PDLIM1: variants seen among roughly 807,000 people sequenced by gnomAD.
The protein encoded by PDLIM1 is PDZ and LIM domain protein 1.
In PDLIM1, 25 loss-of-function variants were observed where a neutral mutation model predicts 35.2. The observed-to-expected ratio is 0.71, with a 90% CI of 0.52 to 0.99. PDLIM1 has a LOEUF of 0.99. Ranked by LOEUF, PDLIM1 falls within the 50% of genes least tolerant of loss-of-function variation. The pLI is 0.00. For synonymous variants in PDLIM1, 152 were observed against 154.0 expected (o/e 0.99, Z 0.10); for missense variants, 363 against 415.3 (o/e 0.87, Z 1.09).
chr10:95,276,673 G>T (rs538834577), intron 1 of PDLIM1, among the ~76,000 whole-genome samples: 1 of 152,260 alleles, frequency 6.6e-6, no homozygotes, highest in South Asian at 2.1e-4. Flanking sequence ...ATATTCACGT[G>T]ATGCTACCAG....
chr10:95,261,115 G>C (rs2035359206), intron 4 of PDLIM1, among the ~76,000 whole-genome samples: 1 of 152,216 alleles, frequency 6.6e-6, no homozygotes, highest in Non-Finnish European at 1.5e-5. Flanking sequence ...GTCTGGGCCA[G>C]GGGCTAGAGG....
intron 1 of PDLIM1, among the ~76,000 whole-genome samples, chr10:95,279,669 CGTT>C (rs1233504911): frequency 1.3e-5 from 2 of 152,186 alleles, no homozygotes. Context: ...GGGAGCAAAA[CGTT>C]GTCCCTGTGC....
rs1350007784 is a variant in PDLIM1, at chr10:95,260,917, A to G, written c.533+2947T>C. On this transcript the variant is annotated intron_variant, in intron 4 of 6. Coordinates refer to ENST00000329399, the MANE Select transcript of PDLIM1 (RefSeq NM_020992.4). Reference sequence around the variant, plus strand: ...GGGAATGCACTAGAAATACACCAGCAAGCTGAGATCCCCCCATACAAGCAG... The same window carrying G: ...GGGAATGCACTAGAAATACACCAGCGAGCTGAGATCCCCCCATACAAGCAG... Among the ~76,000 whole-genome samples the G allele has an allele frequency of 3.3e-5, 5 of 152,322 alleles. No homozygotes were observed. The South Asian group carries it at 1.0e-3, about 32-fold the overall frequency.
intron 4 of PDLIM1, among the ~76,000 whole-genome samples, chr10:95,263,092 CTG>C (rs2035378448): frequency 6.6e-6 from 1 of 150,740 alleles, no homozygotes; most frequent in Admixed American, 6.6e-5. Context: ...CTGCAGTGAG[CTG>C]TGATCAAACC....
At chr10:95,280,204 C>T (rs2035548883) in intron 1 of PDLIM1, among the ~76,000 whole-genome samples, 1 of 152,026 alleles carries the variant, frequency 6.6e-6, no homozygotes, top group African/African-American at 2.4e-5. Flanking sequence ...GGCAAAACCC[C>T]GTCTCTACTA....
At chr10:95,289,552 G>C (rs1185078644) in intron 1 of PDLIM1, among the ~76,000 whole-genome samples, 5 of 152,220 alleles carry the variant, frequency 3.3e-5, no homozygotes, top group Non-Finnish European at 7.3e-5. Flanking sequence ...GCATGGGTAG[G>C]ACTGTGGCTG....
In PDLIM1 at chr10:95,247,365, A is replaced by G. The variant is rs776024230; in HGVS notation, c.535T>C (p.Leu179=). ...ASGVEANSRP[L]DHAQPPSSLV... is the part of the protein sequence containing the mutation. ...CTGCTTGGAGGCTGAGCATGGTCTA[A>G]GCTGTAAAGAATGTTTGAAAAATTG... The change falls in exon 5 of 7, where the codon TTA becomes CTA. Residue 179 remains leucine (L), a splice_region_variant and synonymous_variant. Coordinates refer to ENST00000329399, the MANE Select transcript of PDLIM1 (RefSeq NM_020992.4). 5 of 1,607,608 alleles carry G rather than the reference A, an allele frequency of 3.1e-6. No individual in the cohort carries two copies. The South Asian group carries it at 4.5e-5, about 14-fold the overall frequency.
Position 95,290,740 on chromosome 10 carries a change from G to T in PDLIM1, c.96+80C>A. ...CGGCTGCGGTTCCGACTCCGTCCCC[G>T]ACCGCGCCCGCGGGGCCCCAGTCTC... is the stretch of plus-strand genomic sequence containing the variant. On this transcript the variant is annotated intron_variant, in intron 1 of 6. Transcript: ENST00000329399. This position sits in a 1 kb window ranked among gnomAD's most constrained non-coding sequence, Gnocchi z 4.7. 3.0e-6 allele frequency: 3 copies of T among 1,007,500 alleles called. No homozygotes were observed. The highest frequency in any genetic ancestry group is 5.8e-5 in the Admixed American group (2 of 34,226). The allele number at this position is 1,007,500 out of a possible 1,614,324, so 62.4% of individuals were successfully genotyped here.
In PDLIM1 at chr10:95,290,821, C is replaced by A. The variant is rs1237911136; in HGVS notation, c.95G>T (p.Arg32Leu). Reference protein sequence around the residue: ...KDFEQPLAISRVTPGSKAALA... With the variant: ...KDFEQPLAISLVTPGSKAALA... ...CACGCACGTCCCAGCTGCTCTTACCCGGGAAATGGCGAGAGGCTGCTCGAA... is the reference window on the plus strand; with the variant it reads ...CACGCACGTCCCAGCTGCTCTTACCAGGGAAATGGCGAGAGGCTGCTCGAA... Residue 32 changes from arginine to leucine, a missense_variant and splice_region_variant, in exon 1 of 7, where the codon CGG (arginine) becomes CTG (leucine). Physicochemically the swap from Arg to Leu is moderately radical, Grantham distance 102 (BLOSUM62 -2). Coordinates refer to ENST00000329399, the MANE Select transcript of PDLIM1 (RefSeq NM_020992.4). The surrounding 1 kb of genome is among the most constrained non-coding windows in gnomAD (Gnocchi z 4.7). The A allele has an allele frequency of 6.4e-7, 1 of 1,557,008 alleles. No homozygotes were observed.
intron 4 of PDLIM1, among the ~76,000 whole-genome samples, chr10:95,256,496 A>C (rs2035311879): frequency 6.6e-6 from 1 of 152,252 alleles, no homozygotes; most frequent in Admixed American, 6.5e-5. Context: ...TAAGACAGAT[A>C]TAGAGACCAA....
chr10:95,245,405 T>C (rs2035210946), intron 5 of PDLIM1, among the ~76,000 whole-genome samples: 1 of 152,184 alleles, frequency 6.6e-6, no homozygotes, highest in Non-Finnish European at 1.5e-5. Context: ...GAGTGCCGGA[T>C]AGGAGTCCAG....
intron 4 of PDLIM1, among the ~76,000 whole-genome samples, chr10:95,254,355 T>A (rs1358535880): frequency 6.6e-6 from 1 of 152,186 alleles, no homozygotes; most frequent in Non-Finnish European, 1.5e-5. Context: ...ATTAATAATA[T>A]CTGATAAGTA....
intron 3 of PDLIM1, among the ~76,000 whole-genome samples, chr10:95,267,321 A>G (rs1243110725): frequency 6.6e-6 from 1 of 152,202 alleles, no homozygotes; most frequent in African/African-American, 2.4e-5. Context: ...TTAAAACGAA[A>G]TCATTCCTTG....
At chr10:95,245,575 A>G (rs1183559013) in intron 5 of PDLIM1, among the ~76,000 whole-genome samples, 1 of 152,190 alleles carries the variant, frequency 6.6e-6, no homozygotes, top group Non-Finnish European at 1.5e-5. Flanking sequence ...GTGGTTTCTC[A>G]CATGTTTTTA....
chr10:95,283,977 T>C (rs916163004), intron 1 of PDLIM1, among the ~76,000 whole-genome samples: 2 of 129,310 alleles, frequency 1.5e-5, no homozygotes, highest in Non-Finnish European at 1.7e-5. Flanking sequence ...TATGGCCTTT[T>C]TCTCTGTGTG....
At chr10:95,254,393 G>A (rs954380251) in intron 4 of PDLIM1, among the ~76,000 whole-genome samples, 4 of 152,160 alleles carry the variant, frequency 2.6e-5, no homozygotes, top group African/African-American at 9.7e-5. Context: ...ATTTACCAGA[G>A]ATGGAAATGG....
intron 4 of PDLIM1, among the ~76,000 whole-genome samples, chr10:95,256,078 T>C (rs1280175197): frequency 6.6e-6 from 1 of 151,988 alleles, no homozygotes; most frequent in African/African-American, 2.4e-5. Context: ...AAGAACAAAA[T>C]ACCTAATAAA....
chr10:95,281,976 T>C (rs1356613774), intron 1 of PDLIM1, among the ~76,000 whole-genome samples: 2 of 152,256 alleles, frequency 1.3e-5, no homozygotes, highest in African/African-American at 4.8e-5. Flanking sequence ...TTATATGTGT[T>C]CTTGTGTTTT....
chr10:95,289,871 T>TC (rs2035636577), intron 1 of PDLIM1, among the ~76,000 whole-genome samples: 1 of 152,236 alleles, frequency 6.6e-6, no homozygotes, highest in African/African-American at 2.4e-5. Context: ...TTACTGAGTC[T>TC]CTTCTTGGTG....
Sources: gnomAD v4.1 joint callset for allele counts (sites outside exome capture counted in the v4.1 genomes callset) on GRCh38, gnomAD v4.1.1 for gene constraint, Gnocchi (gnomAD v3.1) non-coding constraint, MANE v1.5 for transcripts, NCBI Gene and HGNC (gene_info 2026-07-23, HGNC 2026-07-21) for gene names.